Variants in NUP98 observed in about 807,000 individuals in gnomAD.
NUP98 encodes nucleoporin 98 and 96 precursor, also known as nuclear pore complex protein Nup98-Nup96.
In NUP98, 26 loss-of-function variants were observed where a neutral mutation model predicts 191.9. The observed-to-expected ratio is 0.14, with a 90% CI of 0.10 to 0.19. The LOEUF (loss-of-function observed/expected upper bound fraction) is 0.19, where lower values mean the gene tolerates loss of function less well. Among genes scored for constraint, NUP98 ranks in the 10% least tolerant of loss-of-function variants. NUP98 has a pLI of 1.00. For synonymous variants in NUP98, 808 were observed against 778.4 expected (o/e 1.04, Z -0.63); for missense variants, 1,941 against 2,178.8 (o/e 0.89, Z 2.17).
chr11:3,697,658 A>C (rs996763272), intron 25 of NUP98, among the ~76,000 whole-genome samples: 1 of 151,870 alleles, frequency 6.6e-6, no homozygotes, highest in African/African-American at 2.4e-5. Flanking sequence ...AAAATAAAAA[A>C]AAAGACAACT....
At chr11:3,696,796 C>A (rs989607837) in intron 25 of NUP98, 1 of 150,682 alleles carries the variant, frequency 6.6e-6, no homozygotes, top group African/African-American at 2.5e-5. Flanking sequence ...GGGTACAGAG[C>A]GAGACTGTCT....
intron 12 of NUP98, among the ~76,000 whole-genome samples, 181 bp downstream of exon 12, chr11:3,744,328 G>C (rs1326196168): frequency 4.6e-5 from 7 of 152,214 alleles, no homozygotes; most frequent in African/African-American, 1.2e-4. Context: ...AGGAGGCCTA[G>C]GAGCTGGGAA....
intron 21 of NUP98, among the ~76,000 whole-genome samples, chr11:3,705,996 CAAAAAAA>C (rs66628165): frequency 1.0e-5 from 1 of 99,476 alleles, no homozygotes; most frequent in African/African-American, 3.6e-5. Context: ...ACTAAAAATA[CAAAAAAA>C]AAAAAAAAAA....
chr11:3,676,250 C>A lies in NUP98; in HGVS notation c.5312G>T (p.Gly1771Val). 1 of 1,614,142 alleles carries A rather than the reference C, an allele frequency of 6.2e-7. No homozygotes were observed. The highest frequency in any genetic ancestry group is 8.5e-7 in the Non-Finnish European group (1 of 1,180,036). Residue 1771 changes from glycine to valine, a missense_variant, in exon 33 of 33, where the codon GGC becomes GTC. Physicochemically the swap from Gly to Val is moderately radical, Grantham distance 109 (BLOSUM62 -3). Transcript: ENST00000324932. ...ATAGTCCTCAGGCATGGGAAGCCGG[C>A]CAATGTGGGGAGCCAAGAGGCGCAA... is the stretch of plus-strand genomic sequence containing the variant. ...VPLRLLAPHI[G>V]RLPMPEDYAM...
chr11:3,781,618 C>T (rs1452636260), intron 2 of NUP98, among the ~76,000 whole-genome samples: 2 of 151,204 alleles, frequency 1.3e-5, no homozygotes, highest in East Asian at 1.9e-4. Flanking sequence ...GGTAGATCTC[C>T]GGAGGGTTGA....
intron 28 of NUP98, among the ~76,000 whole-genome samples, chr11:3,688,828 T>C (rs956510552): frequency 6.8e-6 from 1 of 146,564 alleles, no homozygotes; most frequent in Non-Finnish European, 1.5e-5. Flanking sequence ...TACATATATA[T>C]ATATATATAT....
intron 11 of NUP98, among the ~76,000 whole-genome samples, chr11:3,748,480 C>T (rs1180324826): frequency 1.3e-5 from 2 of 152,026 alleles, no homozygotes; most frequent in African/African-American, 2.4e-5. Context: ...GAGATCACAC[C>T]ACTACACTCC....
At chr11:3,797,349 G>T (rs944393489) in intron 1 of NUP98, 51 bp downstream of exon 1, 14 of 400,284 alleles carry the variant, frequency 3.5e-5, no homozygotes, top group East Asian at 1.8e-4. Context: ...CGCCCGGAAG[G>T]GGGGAGAAAC....
chr11:3,719,753 TTTTTCTTTTC>T (rs369045912), intron 17 of NUP98, among the ~76,000 whole-genome samples: 3 of 151,966 alleles, frequency 2.0e-5, no homozygotes, highest in African/African-American at 7.3e-5. Context: ...AAAATCTGCA[TTTTTCTTTTC>T]TTTTCTTTTC....
rs143285485 is a variant in NUP98, at chr11:3,780,939, G to A, written c.76+1103C>T. 6.6e-3 allele frequency among the ~76,000 whole-genome samples: 1,010 copies of A among 151,990 alleles called. 7 individuals carry two copies. The highest frequency in any genetic ancestry group is 0.024 in the Middle Eastern group (7 of 294). On this transcript the variant is annotated intron_variant, in intron 2 of 32. Transcript: ENST00000324932. Reference sequence around the variant, plus strand: ...TATTAAAAATATAAAAATTAGCCGGGCATGGTGCCATACACCTGTCATCCC... The same window carrying A: ...TATTAAAAATATAAAAATTAGCCGGACATGGTGCCATACACCTGTCATCCC...
At chr11:3,758,722 T>C (rs148461595) in intron 10 of NUP98, among the ~76,000 whole-genome samples, 1 of 151,850 alleles carries the variant, frequency 6.6e-6, no homozygotes, top group East Asian at 1.9e-4. Context: ...GAGGTGGAGG[T>C]TGCAGTGAGC....
chr11:3,780,087 A>G (rs901816709), intron 2 of NUP98, among the ~76,000 whole-genome samples: 1 of 152,226 alleles, frequency 6.6e-6, no homozygotes, highest in Admixed American at 6.5e-5. Flanking sequence ...TTTCAACTCC[A>G]GAGATTCTAA....
chr11:3,764,388 T>C (rs2081270741), intron 8 of NUP98, among the ~76,000 whole-genome samples: 1 of 152,254 alleles, frequency 6.6e-6, no homozygotes, highest in Admixed American at 6.5e-5. Context: ...TTAGTCATTA[T>C]GAATAATGCT....
At chr11:3,727,024 A>C (rs2079646999) in intron 14 of NUP98, among the ~76,000 whole-genome samples, 2 of 152,136 alleles carry the variant, frequency 1.3e-5, no homozygotes, top group Admixed American at 1.3e-4. Context: ...TGGTCTCTCA[A>C]AGTGCTGAGA....
intron 11 of NUP98, among the ~76,000 whole-genome samples, chr11:3,750,515 T>C (rs2080708454): frequency 2.6e-5 from 4 of 152,194 alleles, no homozygotes; most frequent in Admixed American, 2.6e-4. Context: ...TTTCAAACAT[T>C]TTCAACTACA....
chr11:3,791,603 G>A (rs181707296), intron 1 of NUP98, among the ~76,000 whole-genome samples: 253 of 149,968 alleles, frequency 1.7e-3, no homozygotes, highest in African/African-American at 4.6e-3. Context: ...CCAGCATTTC[G>A]GGAGACCGAG....
chr11:3,703,487 A>C (rs1300845860), intron 22 of NUP98, among the ~76,000 whole-genome samples: 1 of 152,154 alleles, frequency 6.6e-6, no homozygotes, highest in African/African-American at 2.4e-5. Context: ...GAGTGCTGCA[A>C]TTACAGGCAT....
At chr11:3,792,847 G>A (rs747776151) in intron 1 of NUP98, among the ~76,000 whole-genome samples, 4 of 152,036 alleles carry the variant, frequency 2.6e-5, no homozygotes, top group East Asian at 1.9e-4. Flanking sequence ...GGCCGGGCAC[G>A]GTGGCTCACG....
intron 27 of NUP98, 169 bp downstream of exon 27, chr11:3,693,063 G>T: frequency 1.6e-6 from 1 of 637,810 alleles, no homozygotes; most frequent in African/African-American, 1.8e-5. Flanking sequence ...AAAGTCAACT[G>T]TGGAATCTCA....
Sources: gnomAD v4.1 joint callset for allele counts (sites outside exome capture counted in the v4.1 genomes callset) on GRCh38, gnomAD v4.1.1 for gene constraint, MANE v1.5 for transcripts, NCBI Gene and HGNC (gene_info 2026-07-23, HGNC 2026-07-21) for gene names.